RNF130: variants seen among roughly 807,000 people sequenced by gnomAD.
RNF130 encodes E3 ubiquitin-protein ligase RNF130.
RNF130 carries 21 observed loss-of-function variants against 44.6 expected under a neutral mutation model. The ratio of observed to expected loss-of-function variants is 0.47; its 90% CI spans 0.33 to 0.68. RNF130 has a LOEUF of 0.68. RNF130 is among the 30% of genes least tolerant of loss of function. RNF130 has a pLI of 0.02. For missense variants in RNF130, 479 were observed against 560.6 expected (o/e 0.85, Z 1.47); for synonymous variants, 214 against 210.4 (o/e 1.02, Z -0.15).
intron 1 of RNF130, among the ~76,000 whole-genome samples, chr5:180,043,882 CA>C (rs1487440025): frequency 2.6e-5 from 4 of 151,940 alleles, no homozygotes; most frequent in African/African-American, 7.2e-5. Flanking sequence ...AGCTTCTGTT[CA>C]AAAAAGTGGT....
intron 5 of RNF130, among the ~76,000 whole-genome samples, chr5:179,975,103 G>A (rs753481510): frequency 9.9e-5 from 15 of 152,256 alleles, no homozygotes; most frequent in South Asian, 2.1e-4. Flanking sequence ...GTGGGAAGAC[G>A]GTGAGGGAAC....
chr5:180,011,945 C>T (rs1582186909), intron 3 of RNF130, among the ~76,000 whole-genome samples: 1 of 152,140 alleles, frequency 6.6e-6, no homozygotes, highest in Non-Finnish European at 1.5e-5. Context: ...ATTAAAAGTG[C>T]ACAGGGAGAG....
intron 1 of RNF130, among the ~76,000 whole-genome samples, chr5:180,054,737 G>A (rs1764767427): frequency 6.6e-6 from 1 of 152,084 alleles, no homozygotes; most frequent in African/African-American, 2.4e-5. Flanking sequence ...TGAAGTTCTG[G>A]TATTTTCACA....
intron 7 of RNF130, among the ~76,000 whole-genome samples, chr5:179,922,808 C>T (rs1761653699): frequency 6.6e-6 from 1 of 151,884 alleles, no homozygotes; most frequent in African/African-American, 2.4e-5. Flanking sequence ...GTGGTGAGCA[C>T]CTGTAGTCCC....
At chr5:180,068,710 C>T (rs1765166814) in intron 1 of RNF130, among the ~76,000 whole-genome samples, 1 of 152,230 alleles carries the variant, frequency 6.6e-6, no homozygotes, top group Admixed American at 6.5e-5. Context: ...TCCACAGCTT[C>T]AAAATGAGCC....
exon 8 of RNF130, chr5:179,912,561 T>G (rs987801940): frequency 3.3e-5 from 5 of 152,200 alleles, no homozygotes; most frequent in African/African-American, 1.2e-4. Context: ...GGATGGCATG[T>G]GTCATCTCAG....
chr5:180,005,013 T>G (rs1763430455), intron 3 of RNF130, among the ~76,000 whole-genome samples: 2 of 152,186 alleles, frequency 1.3e-5, no homozygotes, highest in Admixed American at 6.5e-5. Flanking sequence ...CTCTCCTCTC[T>G]ACATAACCTT....
At chr5:179,962,019 G>A (rs998251670) in intron 8 of RNF130, among the ~76,000 whole-genome samples, 6 of 152,206 alleles carry the variant, frequency 3.9e-5, no homozygotes, top group Admixed American at 6.5e-5. Context: ...ACTACAAGGA[G>A]CTTCAAATAA....
chr5:180,001,840 C>T (rs1763351515), intron 3 of RNF130, among the ~76,000 whole-genome samples: 1 of 152,200 alleles, frequency 6.6e-6, no homozygotes, highest in Non-Finnish European at 1.5e-5. Flanking sequence ...AGCTGAGCTT[C>T]TTGAAGACTA....
rs564171693 is a variant in RNF130, at chr5:180,046,039, C to T, written c.248-5392G>A. The stretch of plus-strand genomic sequence containing the variant: ...GCCGGGGAGGCTCCAGTGGCGTGGA[C>T]GGAGGGGGGTGGGGCTCGGGCATGG... On this transcript the variant is annotated intron_variant, in intron 1 of 8. Transcript: ENST00000521389. 2.8e-3 allele frequency among the ~76,000 whole-genome samples: 427 copies of T among 152,234 alleles called. 3 individuals carry two copies. The highest frequency in any genetic ancestry group is 0.014 in the Middle Eastern group (4 of 294).
chr5:180,019,158 G>A (rs1048097154), intron 2 of RNF130, among the ~76,000 whole-genome samples: 2 of 149,342 alleles, frequency 1.3e-5, no homozygotes, highest in Non-Finnish European at 3.0e-5. Context: ...GCTGAGGCAG[G>A]TGGATCACCA....
intron 3 of RNF130, among the ~76,000 whole-genome samples, chr5:179,990,279 G>A (rs1204149994): frequency 2.0e-5 from 3 of 152,210 alleles, no homozygotes; most frequent in Admixed American, 6.5e-5. Flanking sequence ...CATGTCCACT[G>A]GACAGGGGGC....
intron 8 of RNF130, among the ~76,000 whole-genome samples, chr5:179,957,881 CTTTT>C (rs35629659): frequency 7.0e-6 from 1 of 142,994 alleles, no homozygotes; most frequent in African/African-American, 2.6e-5. Context: ...ATTCAAAATT[CTTTT>C]TTTTTTTTTT....
chr5:179,967,381 T>C (rs550820406), intron 6 of RNF130, among the ~76,000 whole-genome samples: 1 of 152,330 alleles, frequency 6.6e-6, no homozygotes, highest in East Asian at 1.9e-4. Context: ...TGTTGAAGAA[T>C]CCCAGGTAAT....
chr5:179,980,519 ACTATC>A (rs1762809675), intron 3 of RNF130: 1 of 302,442 alleles, frequency 3.3e-6, no homozygotes, highest in East Asian at 7.6e-5. Context: ...ACATCACAGC[ACTATC>A]AAACCTACTT....
intron 7 of RNF130, among the ~76,000 whole-genome samples, chr5:179,965,341 G>A (rs958013727): frequency 4.6e-5 from 7 of 152,334 alleles, no homozygotes; most frequent in East Asian, 1.9e-4. Context: ...CCAGGGCTTC[G>A]GAGGGAAAGC....
chr5:179,932,028 A>G (rs1238116082), intron 7 of RNF130, among the ~76,000 whole-genome samples: 1 of 152,184 alleles, frequency 6.6e-6, no homozygotes, highest in Non-Finnish European at 1.5e-5. Flanking sequence ...TGCAGCCTTT[A>G]AAATGTAATT....
At chr5:180,044,556 G>C (rs12656814) in intron 1 of RNF130, among the ~76,000 whole-genome samples, 1 of 152,122 alleles carries the variant, frequency 6.6e-6, no homozygotes, top group Middle Eastern at 3.4e-3. Flanking sequence ...CCACATGGCC[G>C]GGCGCGGTGG....
intron 3 of RNF130, among the ~76,000 whole-genome samples, chr5:180,001,447 G>A (rs1316633966): frequency 6.6e-6 from 1 of 152,184 alleles, no homozygotes; most frequent in Non-Finnish European, 1.5e-5. Flanking sequence ...GTCAGGATCT[G>A]TGACTGTCAG....
Sources: allele counts gnomAD v4.1 joint callset (sites outside exome capture counted in the v4.1 genomes callset), GRCh38; gene constraint gnomAD v4.1.1; transcripts MANE v1.5; gene names NCBI Gene and HGNC (gene_info 2026-07-23, HGNC 2026-07-21).